CLCN3: variants seen among roughly 807,000 people sequenced by gnomAD.
CLCN3 encodes the protein Cl-/H+ antiporter 3.
A neutral mutation model predicts 83.4 loss-of-function variants in CLCN3; 16 were observed. The observed-to-expected ratio is 0.19, with a 90% CI of 0.13 to 0.29. The LOEUF (loss-of-function observed/expected upper bound fraction) is 0.29, where lower values mean the gene tolerates loss of function less well. Among genes scored for constraint, CLCN3 ranks in the 10% least tolerant of loss-of-function variants. CLCN3 has a pLI of 1.00. For synonymous variants in CLCN3, 322 were observed against 346.2 expected (o/e 0.93, Z 0.78); for missense variants, 544 against 1,006.0 (o/e 0.54, Z 6.21).
chr4:169,675,615 A>T (rs1377301051), intron 2 of CLCN3, among the ~76,000 whole-genome samples: 2 of 152,202 alleles, frequency 1.3e-5, no homozygotes, highest in African/African-American at 4.8e-5. Flanking sequence ...TAAAATCTGC[A>T]TTACAAAATA....
At chr4:169,627,201 T>C (rs1022720424) in intron 1 of CLCN3, among the ~76,000 whole-genome samples, 2 of 152,328 alleles carry the variant, frequency 1.3e-5, no homozygotes, top group South Asian at 4.1e-4. Context: ...TCTGGTCCTT[T>C]ACCTCTTACA....
At chr4:169,684,480 T>C (rs1043732096) in intron 3 of CLCN3, among the ~76,000 whole-genome samples, 10 of 152,202 alleles carry the variant, frequency 6.6e-5, no homozygotes, top group Non-Finnish European at 1.2e-4. Flanking sequence ...GTTCATGTTA[T>C]TTTAGATTAG....
intron 7 of CLCN3, among the ~76,000 whole-genome samples, chr4:169,693,321 A>G (rs1732442400): frequency 6.6e-6 from 1 of 152,226 alleles, no homozygotes; most frequent in Admixed American, 6.5e-5. Context: ...TTGTGATTCC[A>G]GTACTTTATA....
chr4:169,667,341 T>C (rs1731282641), intron 2 of CLCN3, among the ~76,000 whole-genome samples: 1 of 152,140 alleles, frequency 6.6e-6, no homozygotes, highest in Non-Finnish European at 1.5e-5. Flanking sequence ...GGAAAAAGAA[T>C]AATGAATAAT....
intron 10 of CLCN3, among the ~76,000 whole-genome samples, chr4:169,706,532 G>A (rs1005869085): frequency 1.3e-5 from 2 of 152,134 alleles, no homozygotes; most frequent in Non-Finnish European, 2.9e-5. Flanking sequence ...GCTTTTATAA[G>A]GGTGAAATTA....
rs1733621356 is a variant in CLCN3, at chr4:169,720,956, A to T, written c.*959A>T. ...ATGATATACAAGTGCTGTTGAGCAT[A>T]ATTAAATAAAATGCTGCTGCTTTGA... On this transcript the variant is annotated 3_prime_UTR_variant, in exon 13 of 13. Coordinates refer to ENST00000513761, the MANE Select transcript of CLCN3 (RefSeq NM_001829.4). 1 of 152,656 alleles carries T rather than the reference A, an allele frequency of 6.6e-6. No homozygotes were observed. The highest frequency in any genetic ancestry group is 6.5e-5 in the Admixed American group (1 of 15,278). The allele number at this position is 152,656 out of a possible 1,614,324, so 9.5% of individuals were successfully genotyped here.
At chr4:169,673,013 A>T (rs914715880) in intron 2 of CLCN3, among the ~76,000 whole-genome samples, 20 of 152,188 alleles carry the variant, frequency 1.3e-4, no homozygotes, top group African/African-American at 4.1e-4. Flanking sequence ...ATTATATGCA[A>T]AGAAACAGTG....
intron 6 of CLCN3, among the ~76,000 whole-genome samples, chr4:169,691,127 G>A (rs532763710): frequency 1.1e-3 from 169 of 152,036 alleles, no homozygotes; most frequent in African/African-American, 3.9e-3. Flanking sequence ...GCCTCCTGAG[G>A]AGTTGCGATT....
intron 2 of CLCN3, among the ~76,000 whole-genome samples, chr4:169,646,284 T>C (rs1262168247): frequency 2.6e-5 from 4 of 152,128 alleles, no homozygotes; most frequent in African/African-American, 9.7e-5. Flanking sequence ...TTTTTTCCTT[T>C]TTAATTATTA....
chr4:169,693,983 A>G (rs549851662), intron 7 of CLCN3, among the ~76,000 whole-genome samples: 1 of 152,288 alleles, frequency 6.6e-6, no homozygotes, highest in South Asian at 2.1e-4. Flanking sequence ...TGCTTCTTAG[A>G]TACGTATGAA....
intron 7 of CLCN3, among the ~76,000 whole-genome samples, chr4:169,695,092 C>G (rs1732515273): frequency 1.3e-5 from 2 of 151,964 alleles, no homozygotes; most frequent in South Asian, 2.1e-4. Context: ...GAATGAGGCT[C>G]TCTAGATTGA....
At chr4:169,670,148 T>G (rs1204224916) in intron 2 of CLCN3, among the ~76,000 whole-genome samples, 2 of 152,240 alleles carry the variant, frequency 1.3e-5, no homozygotes, top group Non-Finnish European at 2.9e-5. Flanking sequence ...TTGTCTGTTT[T>G]GGCTTTTGTC....
chr4:169,697,239 T>C lies in CLCN3; in HGVS notation c.1068T>C (p.Ala356=), dbSNP rs1433779559. The change falls in exon 9 of 13, where the codon GCT becomes GCC. Residue 356 remains alanine, a synonymous_variant. Transcript: ENST00000513761. ...CTTTATGGAGATCATTTTTTGCTGC[T>C]TTAGTGGCTGCATTTGTTTTGAGGT... is the stretch of plus-strand genomic sequence containing the variant. The part of the protein sequence containing the change: ...LKTLWRSFFA[A]LVAAFVLRSI... 1.9e-6 allele frequency: 3 copies of C among 1,609,490 alleles called. No individual in the cohort carries two copies. Among genetic ancestry groups the C allele is most frequent in the Non-Finnish European group, 2.5e-6 (3 of 1,179,050 alleles).
intron 12 of CLCN3, among the ~76,000 whole-genome samples, chr4:169,713,815 G>C (rs1157394886): frequency 6.6e-6 from 1 of 152,060 alleles, no homozygotes; most frequent in East Asian, 1.9e-4. Context: ...TTTAACAAAT[G>C]CTTTGTTTCC....
intron 9 of CLCN3, among the ~76,000 whole-genome samples, chr4:169,700,862 G>A (rs1400782939): frequency 6.6e-6 from 1 of 152,104 alleles, no homozygotes; most frequent in Non-Finnish European, 1.5e-5. Flanking sequence ...AAAAATACTT[G>A]ATTGCTAAAA....
intron 2 of CLCN3, among the ~76,000 whole-genome samples, chr4:169,647,300 A>C (rs1730601952): frequency 6.6e-6 from 1 of 152,260 alleles, no homozygotes; most frequent in South Asian, 2.1e-4. Context: ...TGAGATGGGA[A>C]GATCACTTGA....
chr4:169,670,776 C>T (rs546396506), intron 2 of CLCN3, among the ~76,000 whole-genome samples: 293 of 152,258 alleles, frequency 1.9e-3, no homozygotes, highest in Middle Eastern at 3.4e-3. Flanking sequence ...TTGTTTGTGT[C>T]GTTTCTTATT....
intron 1 of CLCN3, among the ~76,000 whole-genome samples, chr4:169,630,222 T>C (rs28670063): frequency 0.46 from 69,501 of 152,086 alleles, 18,082 homozygotes; most frequent in East Asian, 0.76. Context: ...GGTACAGTTG[T>C]ACCCATTACC....
At chr4:169,705,181 T>C (rs1376435979) in intron 10 of CLCN3, among the ~76,000 whole-genome samples, 1 of 152,188 alleles carries the variant, frequency 6.6e-6, no homozygotes, top group African/African-American at 2.4e-5. Flanking sequence ...ATTTAAAAGA[T>C]TAGCAGAATT....
Sources: allele counts gnomAD v4.1 joint callset (sites outside exome capture counted in the v4.1 genomes callset), GRCh38; gene constraint gnomAD v4.1.1; transcripts MANE v1.5; gene names NCBI Gene and HGNC (gene_info 2026-07-23, HGNC 2026-07-21).